Variants in RP1 observed in about 807,000 individuals in gnomAD.
The protein encoded by RP1 is RP1 axonemal microtubule associated.
In RP1, 16 loss-of-function variants were observed where a neutral mutation model predicts 14.8. The ratio of observed to expected loss-of-function variants is 1.08; its 90% CI spans 0.73 to 1.65. The LOEUF is 1.65. RP1 is among the 40% of genes most tolerant of loss of function. The probability of loss-of-function intolerance (pLI) is 0.00; values close to 1 mark genes in which losing one functional copy is unlikely to be tolerated. For missense variants in RP1, 2,631 were observed against 2,535.0 expected (o/e 1.04, Z -0.81); for synonymous variants, 876 against 883.6 (o/e 0.99, Z 0.15).
intron 15 of RP1, chr8:54,706,749 T>C (rs1342711666): frequency 3.3e-6 from 4 of 1,230,370 alleles, no homozygotes; most frequent in Non-Finnish European, 4.6e-6. Flanking sequence ...TTTTGGAAAT[T>C]GAATGTTACA....
intron 23 of RP1, among the ~76,000 whole-genome samples, chr8:54,778,000 A>G (rs1330408323): frequency 2.0e-5 from 3 of 152,242 alleles, no homozygotes; most frequent in South Asian, 2.1e-4. Context: ...TCTTAATAGT[A>G]TCTTGAATAT....
In RP1 at chr8:54,577,799, G is replaced by A. The variant is rs551114878; in HGVS notation, c.-13+18479G>A. On this transcript the variant is annotated intron_variant, in intron 1 of 22. Coordinates refer to the RP1 transcript ENST00000636932. The stretch of plus-strand genomic sequence containing the variant: ...GTACAGGAGGGGCTCAAATCCAGGT[G>A]TGACCATTGTTCAACTGCATTGTTA... Among the ~76,000 whole-genome samples, 5 of 152,296 alleles carry A rather than the reference G, an allele frequency of 3.3e-5. No homozygotes were observed. The East Asian group carries it at 7.7e-4, about 24-fold the overall frequency.
intron 7 of RP1, among the ~76,000 whole-genome samples, chr8:54,669,975 T>C (rs892220927): frequency 2.0e-5 from 3 of 152,114 alleles, no homozygotes; most frequent in Admixed American, 6.6e-5. Flanking sequence ...CATGTATACC[T>C]ATGTAACAAA....
chr8:54,656,024 A>G, intron 5 of RP1: 1 of 1,294,608 alleles, frequency 7.7e-7, no homozygotes, highest in East Asian at 2.7e-5. Context: ...ACAAAAACTT[A>G]TTTGACACTT....
intron 18 of RP1, among the ~76,000 whole-genome samples, chr8:54,738,118 C>T (rs887571475): frequency 2.0e-5 from 3 of 152,266 alleles, no homozygotes; most frequent in African/African-American, 2.4e-5. Flanking sequence ...TTTTCATCTT[C>T]GCATACCTGT....
In RP1 at chr8:54,630,124, C is replaced by G; in HGVS notation, c.6242C>G (p.Thr2081Arg). The G allele has an allele frequency of 6.2e-7, 1 of 1,613,786 alleles. No individual in the cohort carries two copies. The highest frequency in any genetic ancestry group is 8.5e-7 in the Non-Finnish European group (1 of 1,179,898). ...LLNNRFQGSR[T>R]NLNQVVRENI... ...AATAACAGATTCCAGGGCTCAAGAA[C>G]AAATCTCAACCAAGTAGTAAGAGAA... Residue 2081 changes from threonine to arginine, a missense_variant, in exon 4 of 4, where the codon ACA becomes AGA. Thr to Arg is a moderately conservative substitution (Grantham distance 71, BLOSUM62 -1). Coordinates refer to ENST00000220676, the MANE Select transcript of RP1 (RefSeq NM_006269.2).
At chr8:54,831,599 A>G (rs1811530741) in intron 24 of RP1, among the ~76,000 whole-genome samples, 1 of 151,638 alleles carries the variant, frequency 6.6e-6, no homozygotes, top group Non-Finnish European at 1.5e-5. Flanking sequence ...ATTTCTACAT[A>G]TATTACAAAC....
At position 54,629,447 on chromosome 8, in the gene RP1, G is replaced by A. The variant is rs1423486905; in HGVS notation, c.5565G>A (p.Lys1855=). 6.2e-7 allele frequency: 1 copy of A among 1,614,034 alleles called. No homozygotes were observed. Among genetic ancestry groups the A allele is most frequent in the Non-Finnish European group, 8.5e-7 (1 of 1,180,002 alleles). ...ERIANHHTEE[K]GSHQSERVCT... is the part of the protein sequence containing the mutation. Reference sequence around the variant, plus strand: ...TAGCAAATCATCATACAGAGGAGAAGGGTAGTCATCAGTCAGAAAGAGTAT... The same window carrying A: ...TAGCAAATCATCATACAGAGGAGAAAGGTAGTCATCAGTCAGAAAGAGTAT... The change falls in exon 4 of 4, where the codon AAG becomes AAA. Residue 1855 remains lysine, a synonymous_variant. Coordinates refer to ENST00000220676, the MANE Select transcript of RP1 (RefSeq NM_006269.2).
chr8:54,753,057 C>G (rs1175459334), intron 19 of RP1, among the ~76,000 whole-genome samples: 2 of 152,116 alleles, frequency 1.3e-5, no homozygotes. Context: ...GTCATTATTT[C>G]TATTTTAAAG....
chr8:54,777,862 TA>T (rs137904710), intron 23 of RP1, among the ~76,000 whole-genome samples: 3,477 of 152,308 alleles, frequency 0.023, 134 homozygotes, highest in African/African-American at 0.078. Context: ...TTTGTGCTAA[TA>T]ATAAGATCAA....
At chr8:54,608,887 C>T (rs1805523728) in intron 1 of RP1, among the ~76,000 whole-genome samples, 1 of 152,078 alleles carries the variant, frequency 6.6e-6, no homozygotes, top group Admixed American at 6.5e-5. Context: ...AAGATGGGGG[C>T]TGGGACTGTC....
chr8:54,617,053 AAGAGTCTCTGC>A (rs1805736142), intron 1 of RP1, among the ~76,000 whole-genome samples: 1 of 152,252 alleles, frequency 6.6e-6, no homozygotes, highest in Non-Finnish European at 1.5e-5. Flanking sequence ...TTAGGCAATA[AAGAGTCTCTGC>A]AGAGAAGAAG....
rs1806684377 is a variant in RP1 at position 54,652,857 on chromosome 8, C to T, written c.1029C>T (p.His343=). 6 of 1,533,518 alleles carry T rather than the reference C, an allele frequency of 3.9e-6. No individual in the cohort carries two copies. In the African/African-American group the frequency reaches 5.5e-5, roughly 14 times the overall value. 95.0% of individuals were successfully genotyped at this position (1,533,518 alleles called of 1,614,324 possible). ...ACTCTGGATCCTCCCCTTCCTGGCA[C>T]TGCAAGGAGGTAAGGATATATCAAC... is the stretch of plus-strand genomic sequence containing the variant. The change falls in exon 5 of 23, where the codon CAC becomes CAT. Residue 343 remains histidine (H), a synonymous_variant. Coordinates refer to the RP1 transcript ENST00000636932.
chr8:54,700,608 C>A (rs139684021), intron 13 of RP1, among the ~76,000 whole-genome samples: 1 of 152,134 alleles, frequency 6.6e-6, no homozygotes, highest in Non-Finnish European at 1.5e-5. Flanking sequence ...GGAATCTACT[C>A]CATTGAATTA....
chr8:54,734,709 C>T lies in RP1; in HGVS notation c.2686C>T (p.Gln896Ter), dbSNP rs1275400381. The change falls in exon 18 of 23, where the codon CAG becomes TAG. Residue 896 changes from glutamine to a stop codon, truncating the protein, a stop_gained. Coordinates refer to the RP1 transcript ENST00000636932. LOFTEE classifies it high-confidence loss of function. ...AAGTCTTCGCAAGGACAGCTCAGAG[C>T]AGCTCTTCCTTCCAGGACACGAGGA... 1.3e-6 allele frequency: 2 copies of T among 1,534,876 alleles called. No homozygotes were observed. Among genetic ancestry groups the T allele is most frequent in the Admixed American group, 2.0e-5 (1 of 50,792 alleles).
chr8:54,615,550 T>C (rs991407048), upstream of RP1, among the ~76,000 whole-genome samples: 1 of 152,194 alleles, frequency 6.6e-6, no homozygotes, highest in Non-Finnish European at 1.5e-5. Context: ...GTGCTGGGTA[T>C]GCAGAAGCAT....
chr8:54,782,610 C>T (rs1810216224), intron 23 of RP1, among the ~76,000 whole-genome samples: 1 of 152,160 alleles, frequency 6.6e-6, no homozygotes, highest in Admixed American at 6.6e-5. Context: ...GAGGTGCATG[C>T]ACTGCACAGA....
rs778807254 is a variant in RP1, at chr8:54,628,163, G to A, written c.4281G>A (p.Lys1427=). 1.9e-6 allele frequency: 3 copies of A among 1,613,896 alleles called. No homozygotes were observed. Among genetic ancestry groups the A allele is most frequent in the South Asian group, 1.1e-5 (1 of 91,078 alleles). Residue 1427 remains lysine (K), a synonymous_variant, in exon 4 of 4, where the codon AAG becomes AAA. Transcript: ENST00000220676. ...LDDFENCSLR[K]FQDENAYTSF... ...ATTTTGAAAATTGTTCACTAAGGAA[G>A]TTTCAGGATGAAAATGCATATACTT...
chr8:54,634,466 A>T (rs1026265768), downstream of RP1, among the ~76,000 whole-genome samples: 3 of 151,992 alleles, frequency 2.0e-5, no homozygotes, highest in Admixed American at 6.6e-5. Context: ...ATTATCAGAT[A>T]ATTTAAAGAT....
Sources: gnomAD v4.1 joint callset for allele counts (sites outside exome capture counted in the v4.1 genomes callset) on GRCh38, gnomAD v4.1.1 for gene constraint, MANE v1.5 for transcripts, NCBI Gene and HGNC (gene_info 2026-07-23, HGNC 2026-07-21) for gene names.